The following PREX1 variants were observed in gnomAD, a reference collection of about 807,000 sequenced individuals.
PREX1 encodes phosphatidylinositol-3,4,5-trisphosphate dependent Rac exchange factor 1, also known as phosphatidylinositol 3,4,5-trisphosphate-dependent Rac exchanger 1 protein.
A neutral mutation model predicts 198.3 loss-of-function variants in PREX1; 41 were observed. That is an observed-to-expected ratio of 0.21 (90% CI 0.16 to 0.27). PREX1 has a LOEUF of 0.27. Among genes scored for constraint, PREX1 ranks in the 10% least tolerant of loss-of-function variants. PREX1 has a pLI of 1.00. For missense variants in PREX1, 1,620 were observed against 2,200.7 expected (o/e 0.74, Z 5.28); for synonymous variants, 843 against 887.2 (o/e 0.95, Z 0.89).
chr20:48,692,062 G>T (rs1290561799), intron 8 of PREX1, among the ~76,000 whole-genome samples: 1 of 152,064 alleles, frequency 6.6e-6, no homozygotes, highest in East Asian at 1.9e-4. Context: ...GCTAGTTTTT[G>T]TATTTTTTGT....
At chr20:48,685,102 T>G (rs1420706273) in intron 10 of PREX1, among the ~76,000 whole-genome samples, 1 of 152,224 alleles carries the variant, frequency 6.6e-6, no homozygotes, top group African/African-American at 2.4e-5. Flanking sequence ...CTGTCTCCTC[T>G]TCTGTTGTCT....
At chr20:48,805,262 T>C (rs2090406708) in intron 1 of PREX1, among the ~76,000 whole-genome samples, 1 of 152,118 alleles carries the variant, frequency 6.6e-6, no homozygotes, top group Non-Finnish European at 1.5e-5. Flanking sequence ...AAGAGGTAGG[T>C]AGGGCAGGAA....
chr20:48,642,584 T>C (rs762755448), intron 27 of PREX1, 95 bp from the exon 28 acceptor site: 7 of 1,126,454 alleles, frequency 6.2e-6, no homozygotes, highest in Admixed American at 2.5e-5. Flanking sequence ...GCTACAGAAC[T>C]CCAAACCCAC....
chr20:48,794,518 G>A (rs552754189), intron 1 of PREX1, among the ~76,000 whole-genome samples: 1 of 152,346 alleles, frequency 6.6e-6, no homozygotes, highest in East Asian at 1.9e-4. Flanking sequence ...CTGCAGGGCA[G>A]CACCAGTACT....
intron 24 of PREX1, 42 bp downstream of exon 24, chr20:48,649,954 T>C (rs2089480001): frequency 6.2e-7 from 1 of 1,600,878 alleles, no homozygotes; most frequent in Non-Finnish European, 8.6e-7. Flanking sequence ...GTATCTGGAG[T>C]GCAACATCTG....
At chr20:48,629,384 C>A (rs1002470628) in intron 37 of PREX1, 65 bp downstream of exon 37, 8 of 1,576,248 alleles carry the variant, frequency 5.1e-6, no homozygotes, top group Non-Finnish European at 6.0e-6. Flanking sequence ...TGCCACAGGA[C>A]CCCAAACTGA....
intron 27 of PREX1, among the ~76,000 whole-genome samples, chr20:48,643,980 G>T (rs2089433136): frequency 6.6e-6 from 1 of 152,120 alleles, no homozygotes; most frequent in African/African-American, 2.4e-5. Context: ...CTCAGCCATG[G>T]GTACTTCTTT....
chr20:48,692,952 C>G (rs1197442696), intron 7 of PREX1, among the ~76,000 whole-genome samples, 162 bp from the exon 8 acceptor site: 1 of 152,190 alleles, frequency 6.6e-6, no homozygotes, highest in East Asian at 1.9e-4. Flanking sequence ...GCTGGGGTAA[C>G]TTGAACAAGT....
chr20:48,714,116 C>T (rs1428545812), intron 5 of PREX1, among the ~76,000 whole-genome samples: 1 of 152,084 alleles, frequency 6.6e-6, no homozygotes, highest in African/African-American at 2.4e-5. Context: ...AATGTAAGAA[C>T]TAAAACTATA....
At chr20:48,823,903 T>A (rs368383694) in intron 1 of PREX1, among the ~76,000 whole-genome samples, 96 of 152,284 alleles carry the variant, frequency 6.3e-4, no homozygotes, top group African/African-American at 2.1e-3. Flanking sequence ...TAGATTCACT[T>A]TGCCTCAGTT....
At chr20:48,845,022 T>A in the PREX1 span, among the ~76,000 whole-genome samples, 1 of 152,198 alleles carries the variant, frequency 6.6e-6, no homozygotes, top group African/African-American at 2.4e-5. Context: ...CCCAAAAGAC[T>A]TTTATTCACT....
At chr20:48,632,185 G>A in intron 35 of PREX1, 92 bp downstream of exon 35, 2 of 1,226,314 alleles carry the variant, frequency 1.6e-6, no homozygotes, top group Non-Finnish European at 2.4e-6. Context: ...CACTGCCCAT[G>A]CTGGGGGTCC....
chr20:48,649,219 G>C, intron 25 of PREX1, 81 bp downstream of exon 25: 1 of 1,539,362 alleles, frequency 6.5e-7, no homozygotes, highest in Non-Finnish European at 8.8e-7. Context: ...TACAAAGAAT[G>C]ATGCTACCCA....
chr20:48,736,419 G>A (rs1036886849), intron 3 of PREX1, among the ~76,000 whole-genome samples: 9 of 152,162 alleles, frequency 5.9e-5, no homozygotes, highest in Admixed American at 5.2e-4. Flanking sequence ...CATGCACATG[G>A]ACACATGCAC....
At chr20:48,673,847 C>CAATT (rs1321448717) in intron 14 of PREX1, among the ~76,000 whole-genome samples, 1 of 152,156 alleles carries the variant, frequency 6.6e-6, no homozygotes, top group African/African-American at 2.4e-5. Context: ...GTTTATTGAG[C>CAATT]AATTACTCTA....
the PREX1 span, among the ~76,000 whole-genome samples, chr20:48,878,116 A>C: frequency 6.6e-6 from 1 of 151,976 alleles, no homozygotes; most frequent in Non-Finnish European, 1.5e-5. Flanking sequence ...CTCACACACA[A>C]AAAAAGCCCA....
chr20:48,829,699 A>C (rs1250781903), upstream of PREX1, among the ~76,000 whole-genome samples: 4 of 152,148 alleles, frequency 2.6e-5, no homozygotes, highest in Non-Finnish European at 5.9e-5. Flanking sequence ...TGTTCACGGT[A>C]CCTTTCTGAG....
Position 48,634,684 on chromosome 20 carries a change from T to G in PREX1, c.4259A>C (p.Tyr1420Ser). 8 of 1,614,080 alleles carry G rather than the reference T, an allele frequency of 5.0e-6. No homozygotes were observed. Among genetic ancestry groups the G allele is most frequent in the Non-Finnish European group, 6.8e-6 (8 of 1,179,952 alleles). ...TGGGAGAAATCACTCACTGGCCACA[T>G]AGTTCTCGTCCAGCTGCTTAAAGGA... ...TFSFKQLDEN[Y>S]VANTNVFYHI... Residue 1420 changes from tyrosine (Y) to serine (S), a missense_variant, in exon 33 of 40, where the codon TAT becomes TCT. Physicochemically the swap from Tyr to Ser is moderately radical, Grantham distance 144. Transcript: ENST00000371941.
chr20:48,828,669 C>G (rs1412684526), upstream of PREX1, among the ~76,000 whole-genome samples: 1 of 152,222 alleles, frequency 6.6e-6, no homozygotes, highest in African/African-American at 2.4e-5. Flanking sequence ...TTTCCCGTTT[C>G]CTTTCCCATC....
Sources: allele counts gnomAD v4.1 joint callset (sites outside exome capture counted in the v4.1 genomes callset), GRCh38; gene constraint gnomAD v4.1.1; transcripts MANE v1.5; gene names NCBI Gene and HGNC (gene_info 2026-07-23, HGNC 2026-07-21).